Variants in SAMD5 observed in about 807,000 individuals in gnomAD.
SAMD5 encodes sterile alpha motif domain containing 5, also known as sterile alpha motif domain-containing protein 5.
In SAMD5, 13 loss-of-function variants were observed where a neutral mutation model predicts 11.3. The ratio of observed to expected loss-of-function variants is 1.15; its 90% CI spans 0.75 to 1.83. SAMD5 has a LOEUF of 1.83. Among genes scored for constraint, SAMD5 ranks in the 40% most tolerant of loss-of-function variants. The pLI is 0.00. For synonymous variants in SAMD5, 129 were observed against 111.3 expected (o/e 1.16, Z -1.00); for missense variants, 255 against 239.1 (o/e 1.07, Z -0.44).
chr6:147,950,085 T>C, the SAMD5 span, among the ~76,000 whole-genome samples: 9 of 152,282 alleles, frequency 5.9e-5, no homozygotes, highest in East Asian at 1.5e-3. Flanking sequence ...ATATGAAGCC[T>C]GGAATAGAAA....
the SAMD5 span, among the ~76,000 whole-genome samples, chr6:147,912,844 A>G: frequency 2.0e-5 from 3 of 152,144 alleles, no homozygotes; most frequent in Admixed American, 2.0e-4. Context: ...GCTATATTTT[A>G]TATAAGAAAT....
Position 147,509,421 on chromosome 6 carries a change from G to T in SAMD5, c.459+34G>T, listed in dbSNP as rs773682158. 8 of 1,491,304 alleles carry T rather than the reference G, an allele frequency of 5.4e-6. No homozygotes were observed. The African/African-American group carries it at 1.0e-4, about 19-fold the overall frequency. 92.4% of individuals were successfully genotyped at this position (1,491,304 alleles called of 1,614,324 possible). On this transcript the variant is annotated intron_variant, in intron 1 of 1. Coordinates refer to ENST00000367474, the MANE Select transcript of SAMD5 (RefSeq NM_001030060.3). ...GTGCCGTCCGGGCGGCCCGGGGCGC[G>T]CGGCGGGAGGGGACACAGCCCAGCT...
chr6:147,940,615 A>T, the SAMD5 span, among the ~76,000 whole-genome samples: 1 of 152,198 alleles, frequency 6.6e-6, no homozygotes, highest in Non-Finnish European at 1.5e-5. Flanking sequence ...CTGCTTTACC[A>T]CAAAAACTGT....
chr6:147,706,710 G>A (rs143849648), intron 1 of SAMD5, among the ~76,000 whole-genome samples: 12 of 152,346 alleles, frequency 7.9e-5, no homozygotes, highest in South Asian at 2.1e-4. Context: ...TTGAGTATGC[G>A]TGGATTTTGC....
the SAMD5 span, among the ~76,000 whole-genome samples, chr6:147,790,785 TCTCTCTCTCTCTCTCTCTCTCTCTC>T: frequency 5.3e-5 from 6 of 112,532 alleles, no homozygotes; most frequent in African/African-American, 1.8e-4. Flanking sequence ...TCTCTCTCTC[TCTCTCTCTCTCTCTCTCTCTCTCTC>T]TCTCTCTCTC....
intron 1 of SAMD5, among the ~76,000 whole-genome samples, chr6:147,690,038 T>C (rs1044169863): frequency 1.3e-5 from 2 of 152,166 alleles, no homozygotes; most frequent in Non-Finnish European, 2.9e-5. Flanking sequence ...ATCTGTTGGT[T>C]TAAAAAGTTC....
chr6:147,953,516 C>T, the SAMD5 span: 2 of 152,162 alleles, frequency 1.3e-5, no homozygotes, highest in African/African-American at 2.4e-5. Context: ...CCTATTGCAT[C>T]AAACTGAGTT....
At chr6:147,871,616 A>G in the SAMD5 span, among the ~76,000 whole-genome samples, 330 of 152,338 alleles carry the variant, frequency 2.2e-3, 1 homozygote, top group Non-Finnish European at 4.1e-3. Flanking sequence ...AAAATTAACA[A>G]TATCATTCCA....
chr6:147,703,980 C>T lies in SAMD5; in HGVS notation c.163-33337C>T, dbSNP rs566644757. On this transcript the variant is annotated intron_variant, in intron 1 of 1. Transcript: ENST00000566741. ...GCACAATCTTGGCTCACTGCAAGCT[C>T]CACCTCCTGGGTTCACGCCATTCTC... Among the ~76,000 whole-genome samples the T allele has an allele frequency of 2.6e-5, 4 of 152,308 alleles. No individual in the cohort carries two copies. The South Asian group carries it at 8.3e-4, about 32-fold the overall frequency.
chr6:147,520,221 G>T (rs917180236), intron 1 of SAMD5, among the ~76,000 whole-genome samples: 4 of 151,286 alleles, frequency 2.6e-5, no homozygotes, highest in Admixed American at 2.6e-4. Flanking sequence ...AGGTTCAAGC[G>T]ATTCTCCTGC....
chr6:147,675,658 C>T (rs1323010071), intron 1 of SAMD5, among the ~76,000 whole-genome samples: 1 of 152,132 alleles, frequency 6.6e-6, no homozygotes, highest in Admixed American at 6.5e-5. Flanking sequence ...TAAGGCCTCA[C>T]TCTTAAATTT....
chr6:147,620,653 C>T (rs1303309423), intron 1 of SAMD5, among the ~76,000 whole-genome samples: 1 of 152,144 alleles, frequency 6.6e-6, no homozygotes, highest in Non-Finnish European at 1.5e-5. Context: ...CTGTGTTCCC[C>T]AAAGAAGAGC....
chr6:147,888,853 C>T, the SAMD5 span, among the ~76,000 whole-genome samples: 1 of 150,486 alleles, frequency 6.6e-6, no homozygotes, highest in Admixed American at 6.6e-5. Flanking sequence ...CCATTGCACT[C>T]CAGCCTGGGT....
Position 147,567,832 on chromosome 6 carries a change from T to G in SAMD5, c.*3376T>G. 1.0e-6 allele frequency: 1 copy of G among 985,288 alleles called. No homozygotes were observed. Among genetic ancestry groups the G allele is most frequent in the Non-Finnish European group, 1.2e-6 (1 of 829,828 alleles). The allele number at this position is 985,288 out of a possible 1,614,324, so 61.0% of individuals were successfully genotyped here. ...GGCTACAGTACCTGCTCATAGGAGT[T>G]CAGTAAATGTTTATTGATTGAATGA... On this transcript the variant is annotated 3_prime_UTR_variant, in exon 2 of 2. Coordinates refer to ENST00000367474, the MANE Select transcript of SAMD5 (RefSeq NM_001030060.3).
chr6:147,779,063 T>G, the SAMD5 span, among the ~76,000 whole-genome samples: 7 of 152,110 alleles, frequency 4.6e-5, no homozygotes, highest in Non-Finnish European at 1.0e-4. Context: ...AAAGTGTTTT[T>G]GCCATGTTAG....
intron 1 of SAMD5, among the ~76,000 whole-genome samples, chr6:147,650,206 A>G (rs1362994738): frequency 6.6e-6 from 1 of 152,210 alleles, no homozygotes; most frequent in African/African-American, 2.4e-5. Context: ...AAAACACACA[A>G]GGGCCTACAG....
chr6:147,683,521 A>C (rs760103595), intron 1 of SAMD5, among the ~76,000 whole-genome samples: 1 of 152,214 alleles, frequency 6.6e-6, no homozygotes, highest in African/African-American at 2.4e-5. Context: ...TCTTAAGTGA[A>C]ACTGGCTTTT....
chr6:147,920,213 C>T, the SAMD5 span, among the ~76,000 whole-genome samples: 4 of 152,212 alleles, frequency 2.6e-5, no homozygotes, highest in Non-Finnish European at 5.9e-5. Flanking sequence ...ATCTCATCAG[C>T]TGCCAGCACT....
the SAMD5 span, among the ~76,000 whole-genome samples, chr6:147,952,865 C>G: frequency 2.6e-5 from 4 of 152,156 alleles, no homozygotes; most frequent in Non-Finnish European, 4.4e-5. Flanking sequence ...TTGGAGAGAC[C>G]TACATTTCAT....
Sources: gnomAD v4.1 joint callset for allele counts (sites outside exome capture counted in the v4.1 genomes callset) on GRCh38, gnomAD v4.1.1 for gene constraint, MANE v1.5 for transcripts, NCBI Gene and HGNC (gene_info 2026-07-23, HGNC 2026-07-21) for gene names.